SGIP1: variants seen among roughly 807,000 people sequenced by gnomAD.
SGIP1 encodes SH3-containing GRB2-like protein 3-interacting protein 1.
Under a neutral mutation model 107.5 loss-of-function variants are expected in SGIP1, and 38 were observed. The ratio of observed to expected loss-of-function variants is 0.35; its 90% confidence interval spans 0.27 to 0.46. The LOEUF is 0.46. SGIP1 is among the 20% of genes least tolerant of loss of function. SGIP1 has a pLI of 1.00. For synonymous variants in SGIP1, 365 were observed against 366.1 expected (o/e 1.00, Z 0.03); for missense variants, 929 against 1,019.5 (o/e 0.91, Z 1.21).
At chr1:66,596,327 G>C (rs1439642001) in intron 1 of SGIP1, among the ~76,000 whole-genome samples, 2 of 152,152 alleles carry the variant, frequency 1.3e-5, no homozygotes, top group Admixed American at 1.3e-4. Context: ...GATGCAGGGT[G>C]GGTGGGGTGG....
At chr1:66,607,890 G>A (rs558972680) in intron 1 of SGIP1, among the ~76,000 whole-genome samples, 1 of 152,310 alleles carries the variant, frequency 6.6e-6, no homozygotes, top group East Asian at 1.9e-4. Flanking sequence ...AGATCAGACA[G>A]AACAGACCAG....
intron 1 of SGIP1, among the ~76,000 whole-genome samples, chr1:66,595,430 T>A (rs1313321002): frequency 6.6e-6 from 1 of 152,218 alleles, no homozygotes. Flanking sequence ...AAAGAAGTCA[T>A]CAGTCCCTGC....
intron 20 of SGIP1, among the ~76,000 whole-genome samples, chr1:66,730,147 A>G (rs1400825460): frequency 6.6e-6 from 1 of 152,166 alleles, no homozygotes; most frequent in African/African-American, 2.4e-5. Context: ...GTGCATGTGC[A>G]TATGCATAAT....
chr1:66,749,016 G>A lies in SGIP1; in HGVS notation c.*5921G>A, dbSNP rs2094590110. On this transcript the variant is annotated 3_prime_UTR_variant, in exon 25 of 25. Transcript: ENST00000371037. ...GGAATGCTTTGAAAAAAATGCTTCT[G>A]GAATTTTGTTTTAATTTTAAGAGAA... is the stretch of plus-strand genomic sequence containing the variant. Among the ~76,000 whole-genome samples, 1 of 151,576 alleles carries A rather than the reference G, an allele frequency of 6.6e-6. No homozygotes were observed. The highest frequency in any genetic ancestry group is 6.6e-5 in the Admixed American group (1 of 15,234).
chr1:66,695,916 A>C (rs962338873), intron 18 of SGIP1, among the ~76,000 whole-genome samples: 1 of 152,216 alleles, frequency 6.6e-6, no homozygotes, highest in Admixed American at 6.5e-5. Context: ...AATATTTTAG[A>C]TGCAACATGC....
At chr1:66,634,046 C>T (rs2075314062) in intron 3 of SGIP1, 2 of 1,539,134 alleles carry the variant, frequency 1.3e-6, no homozygotes, top group Non-Finnish European at 1.8e-6. Flanking sequence ...ATTGATCAGA[C>T]ATTGGGTAAC....
chr1:66,566,638 T>A (rs926990068), intron 1 of SGIP1, among the ~76,000 whole-genome samples: 1 of 151,998 alleles, frequency 6.6e-6, no homozygotes, highest in African/African-American at 2.4e-5. Context: ...TATGAAAATA[T>A]AGTATAAAAC....
intron 14 of SGIP1, among the ~76,000 whole-genome samples, chr1:66,680,813 C>T (rs536529779): frequency 2.0e-4 from 31 of 152,186 alleles, no homozygotes; most frequent in African/African-American, 7.2e-5. Flanking sequence ...TAAGATGGCT[C>T]ATATAGCCCA....
chr1:66,564,622 C>T (rs920667459), intron 1 of SGIP1, among the ~76,000 whole-genome samples: 3 of 151,876 alleles, frequency 2.0e-5, no homozygotes, highest in Non-Finnish European at 2.9e-5. Context: ...GCCCTGCAGT[C>T]GTGAGCAGAC....
At chr1:66,589,196 A>G (rs373579132) in intron 1 of SGIP1, among the ~76,000 whole-genome samples, 818 of 55,244 alleles carry the variant, frequency 0.015, 52 homozygotes, top group East Asian at 0.046. Flanking sequence ...ATATATATAT[A>G]TATATATATA....
At chr1:66,631,703 C>T (rs201973521) in intron 2 of SGIP1, among the ~76,000 whole-genome samples, 16 of 108,420 alleles carry the variant, frequency 1.5e-4, no homozygotes, top group Admixed American at 3.4e-4. Context: ...CTCTCTCTCT[C>T]TCTCTCTCTC....
chr1:66,711,209 CTTAA>C (rs1307963008), intron 18 of SGIP1, among the ~76,000 whole-genome samples: 1 of 152,028 alleles, frequency 6.6e-6, no homozygotes, highest in Non-Finnish European at 1.5e-5. Context: ...TTTAAAGTAC[CTTAA>C]TTGTTAAATG....
intron 1 of SGIP1, among the ~76,000 whole-genome samples, chr1:66,568,950 G>A (rs1323359545): frequency 6.6e-6 from 1 of 151,740 alleles, no homozygotes; most frequent in African/African-American, 2.4e-5. Context: ...CACAGACCTG[G>A]CCAGTCAGAA....
At chr1:66,714,551 C>T (rs1388030383) in intron 18 of SGIP1, among the ~76,000 whole-genome samples, 4 of 152,098 alleles carry the variant, frequency 2.6e-5, no homozygotes, top group Admixed American at 1.3e-4. Context: ...GACAGAGCCA[C>T]CCAAATCTCC....
At chr1:66,730,446 C>T (rs1322173370) in intron 20 of SGIP1, among the ~76,000 whole-genome samples, 1 of 152,108 alleles carries the variant, frequency 6.6e-6, no homozygotes, top group Non-Finnish European at 1.5e-5. Context: ...TCCATCAAGT[C>T]CTGATGTTCA....
chr1:66,623,574 A>G (rs1238924384), intron 1 of SGIP1, among the ~76,000 whole-genome samples: 1 of 152,120 alleles, frequency 6.6e-6, no homozygotes, highest in Non-Finnish European at 1.5e-5. Flanking sequence ...TTATTCAACA[A>G]TTTGATTAGG....
chr1:66,615,775 T>C (rs1351127492), intron 1 of SGIP1, among the ~76,000 whole-genome samples: 1 of 152,140 alleles, frequency 6.6e-6, no homozygotes, highest in Admixed American at 6.6e-5. Flanking sequence ...GGACTGGAGA[T>C]GGAAGGATGT....
chr1:66,608,632 G>A (rs1285250706), intron 1 of SGIP1, among the ~76,000 whole-genome samples: 1 of 152,146 alleles, frequency 6.6e-6, no homozygotes, highest in Non-Finnish European at 1.5e-5. Flanking sequence ...AGTATATGAT[G>A]TTTCATTTCC....
chr1:66,741,533 C>A, intron 24 of SGIP1, 97 bp downstream of exon 24: 1 of 1,270,224 alleles, frequency 7.9e-7, no homozygotes, highest in Non-Finnish European at 1.0e-6. Flanking sequence ...TTTTCCTCCA[C>A]CTCTTTCCCA....
Sources: allele counts gnomAD v4.1 joint callset (sites outside exome capture counted in the v4.1 genomes callset), GRCh38; gene constraint gnomAD v4.1.1; transcripts MANE v1.5; gene names NCBI Gene and HGNC (gene_info 2026-07-23, HGNC 2026-07-21).